The following MAP3K20 variants were observed in gnomAD, a reference collection of about 807,000 sequenced individuals.
The protein encoded by MAP3K20 is HCCS-4.
Under a neutral mutation model 85.7 loss-of-function variants are expected in MAP3K20, and 40 were observed. The ratio of observed to expected loss-of-function variants is 0.47; its 90% CI spans 0.36 to 0.61. The LOEUF (loss-of-function observed/expected upper bound fraction) is 0.61. MAP3K20 is among the 20% of genes least tolerant of loss of function. The probability of loss-of-function intolerance (pLI) is 0.00; values close to 1 mark genes in which losing one functional copy is unlikely to be tolerated. For synonymous variants in MAP3K20, 325 were observed against 327.7 expected, an observed-to-expected ratio of 0.99 and a Z score of 0.09; for missense variants, 817 against 961.7, an observed-to-expected ratio of 0.85 and a Z score of 1.99.
At chr2:173,196,171 G>GCTAA (rs144575205) in intron 7 of MAP3K20, among the ~76,000 whole-genome samples, 3 of 152,224 alleles carry the variant, frequency 2.0e-5, no homozygotes, top group Non-Finnish European at 2.9e-5. Flanking sequence ...TTTATTGGAG[G>GCTAA]CTAACTCCCT....
chr2:173,119,918 C>G (rs897676700), intron 2 of MAP3K20, among the ~76,000 whole-genome samples: 2 of 152,056 alleles, frequency 1.3e-5, no homozygotes, highest in African/African-American at 4.8e-5. Flanking sequence ...AAGTTAGCCT[C>G]TAACAATTTG....
chr2:173,209,649 T>G, intron 9 of MAP3K20, 80 bp from the exon 10 acceptor site: 1 of 1,174,598 alleles, frequency 8.5e-7, no homozygotes, highest in Non-Finnish European at 1.2e-6. Flanking sequence ...TTTATTACTA[T>G]GCTTGTAGTA....
intron 2 of MAP3K20, among the ~76,000 whole-genome samples, chr2:173,128,410 G>A (rs895043321): frequency 1.3e-5 from 2 of 151,916 alleles, no homozygotes; most frequent in Admixed American, 6.6e-5. Flanking sequence ...TCGGCTCACT[G>A]CAGCCTCTGC....
intron 2 of MAP3K20, among the ~76,000 whole-genome samples, chr2:173,134,660 A>C (rs1196559936): frequency 2.0e-5 from 3 of 151,054 alleles, no homozygotes; most frequent in Admixed American, 1.3e-4. Flanking sequence ...AGCTACATAC[A>C]TTGGAACTGA....
chr2:173,256,779 C>T (rs951890914), intron 16 of MAP3K20, among the ~76,000 whole-genome samples: 6 of 152,178 alleles, frequency 3.9e-5, no homozygotes, highest in Admixed American at 1.3e-4. Context: ...AGCCATCCAT[C>T]AATCTTTATT....
At chr2:173,245,903 C>T (rs530874681) in intron 16 of MAP3K20, among the ~76,000 whole-genome samples, 3 of 152,308 alleles carry the variant, frequency 2.0e-5, no homozygotes, top group Admixed American at 2.0e-4. Context: ...TGCACTCCAG[C>T]CTGGGCAACA....
At chr2:173,088,343 G>A (rs1005665246) in intron 1 of MAP3K20, among the ~76,000 whole-genome samples, 23 of 152,320 alleles carry the variant, frequency 1.5e-4, no homozygotes, top group South Asian at 6.2e-4. Flanking sequence ...GTTACAGTAC[G>A]GTTGGAAGCT....
Position 173,232,421 on chromosome 2 carries a change from A to G in MAP3K20, c.1165A>G (p.Met389Val). 1 of 1,614,238 alleles carries G rather than the reference A, an allele frequency of 6.2e-7. No homozygotes were observed. The highest frequency in any genetic ancestry group is 8.5e-7 in the Non-Finnish European group (1 of 1,180,042). Residue 389 changes from methionine to valine, a missense_variant, in exon 14 of 20, where the codon ATG (methionine) becomes GTG (valine). Physicochemically the swap from Met to Val is conservative, Grantham distance 21. This residue lies in a region of MAP3K20 where 158 missense variants were observed against 162.0 expected (regional missense o/e 0.98). Coordinates refer to ENST00000375213, the MANE Select transcript of MAP3K20 (RefSeq NM_016653.3). ...LLLEEEDLKD[M>V]GIVSKGHIIH... ...GCTGGAGGAAGAAGACCTGAAAGAC[A>G]TGGGCATTGTCTCCAAGGGGCATAT...
chr2:173,075,933 C>T lies in MAP3K20; in HGVS notation c.-104C>T. Reference sequence around the variant, plus strand: ...CCGCGCGGGCCGCTGTCGTCCCAACCCCCGCCGCCCTCGTCGCGCGCGGGG... The same window carrying T: ...CCGCGCGGGCCGCTGTCGTCCCAACTCCCGCCGCCCTCGTCGCGCGCGGGG... On this transcript the variant is annotated 5_prime_UTR_variant, in exon 1 of 20. Transcript: ENST00000375213. 1 of 985,162 alleles carries T rather than the reference C, an allele frequency of 1.0e-6. No homozygotes were observed. The allele number at this position is 985,162 out of a possible 1,614,324, so 61.0% of individuals were successfully genotyped here.
chr2:173,266,196 CGG>C lies in MAP3K20; in HGVS notation c.1850_1851del (p.Arg617ProfsTer6), dbSNP rs1558919282. The C allele has an allele frequency of 6.2e-7, 1 of 1,614,056 alleles. No homozygotes were observed. Among genetic ancestry groups the C allele is most frequent in the Non-Finnish European group, 8.5e-7 (1 of 1,180,002 alleles). On this transcript the variant is annotated frameshift_variant, in exon 20 of 20. Transcript: ENST00000375213. LOFTEE classifies it low-confidence loss of function (END_TRUNC). ...GQDSYAAAVR[R>X]PQVPIKYQQI... Reference sequence around the variant, plus strand: ...GGATTCCTACGCTGCTGCTGTGAGACGGCCCCAGGTGCCCATTAAGTATCAAC... The same window carrying C: ...GGATTCCTACGCTGCTGCTGTGAGACCCCCAGGTGCCCATTAAGTATCAAC...
intron 1 of MAP3K20, among the ~76,000 whole-genome samples, chr2:173,078,385 G>A (rs1573992787): frequency 6.6e-6 from 1 of 152,266 alleles, no homozygotes; most frequent in East Asian, 1.9e-4. Flanking sequence ...AAATGTAGTA[G>A]GAACAGTTAA....
intron 14 of MAP3K20, among the ~76,000 whole-genome samples, chr2:173,234,788 T>C (rs776514267): frequency 1.8e-4 from 28 of 152,190 alleles, no homozygotes; most frequent in Non-Finnish European, 2.1e-4. Context: ...GGCCGGATCC[T>C]GGACAGCTTA....
At chr2:173,112,007 A>G (rs1687989317) in intron 2 of MAP3K20, among the ~76,000 whole-genome samples, 1 of 152,146 alleles carries the variant, frequency 6.6e-6, no homozygotes, top group Admixed American at 6.5e-5. Context: ...TTTTGGCATT[A>G]TGGTCATTTT....
In MAP3K20 at chr2:173,076,020, G is replaced by C. The variant is rs879794436; in HGVS notation, c.-35+18G>C. The C allele has an allele frequency of 4.1e-6, 4 of 984,352 alleles. No individual in the cohort carries two copies. In the East Asian group the frequency reaches 4.6e-4, roughly 112 times the overall value. 61.0% of individuals were successfully genotyped at this position (984,352 alleles called of 1,614,324 possible). Reference sequence around the variant, plus strand: ...GGAGCCAGGTAGGGGTCAGGCTGGAGCCCGCGGAGGGCGGGGAGGGAGGGG... The same window carrying C: ...GGAGCCAGGTAGGGGTCAGGCTGGACCCCGCGGAGGGCGGGGAGGGAGGGG... On this transcript the variant is annotated intron_variant, in intron 1 of 19. Coordinates refer to ENST00000375213, the MANE Select transcript of MAP3K20 (RefSeq NM_016653.3).
chr2:173,156,721 G>A (rs569023788), intron 2 of MAP3K20, among the ~76,000 whole-genome samples: 1 of 152,322 alleles, frequency 6.6e-6, no homozygotes, highest in African/African-American at 2.4e-5. Context: ...ACCTCCTGCT[G>A]TGCGACCTGG....
intron 2 of MAP3K20, among the ~76,000 whole-genome samples, chr2:173,110,195 TTATACATATATATATATATATATA>T (rs1215121596): frequency 2.2e-4 from 16 of 72,446 alleles, no homozygotes; most frequent in African/African-American, 7.5e-4. Flanking sequence ...ATAATATATG[TTATACATATATATATATATATATA>T]TATATATATA....
chr2:173,189,598 T>C (rs116697672), intron 5 of MAP3K20, among the ~76,000 whole-genome samples: 2,366 of 152,340 alleles, frequency 0.016, 64 homozygotes, highest in African/African-American at 0.054. Flanking sequence ...CACTAAAATA[T>C]ATTATGTCCA....
chr2:173,176,357 CTT>C (rs978091686), intron 3 of MAP3K20, among the ~76,000 whole-genome samples: 1 of 151,788 alleles, frequency 6.6e-6, no homozygotes, highest in African/African-American at 2.4e-5. Context: ...TTTTTGTTCA[CTT>C]TTGTTAACTT....
chr2:173,220,880 A>G (rs1024913614), intron 11 of MAP3K20, among the ~76,000 whole-genome samples: 5 of 152,224 alleles, frequency 3.3e-5, no homozygotes, highest in African/African-American at 1.2e-4. Context: ...AGGGCTTAAA[A>G]CTTGCAACTT....
Sources: allele counts gnomAD v4.1 joint callset (sites outside exome capture counted in the v4.1 genomes callset), GRCh38; gene constraint gnomAD v4.1.1; regional missense constraint gnomAD v4.1.1; transcripts MANE v1.5; gene names NCBI Gene and HGNC (gene_info 2026-07-23, HGNC 2026-07-21).